Variants in MKNK1 observed in about 807,000 individuals in gnomAD.
The protein encoded by MKNK1 is MAPK interacting serine/threonine kinase 1, also known as MAP kinase-interacting serine/threonine-protein kinase 1.
Under a neutral mutation model 49.3 loss-of-function variants are expected in MKNK1, and 30 were observed. The ratio of observed to expected loss-of-function variants is 0.61; its 90% CI spans 0.46 to 0.83. The LOEUF (loss-of-function observed/expected upper bound fraction) is 0.83, where lower values mean the gene tolerates loss of function less well. Among genes scored for constraint, MKNK1 ranks in the 40% least tolerant of loss-of-function variants. MKNK1 has a pLI of 0.00. For missense variants in MKNK1, 423 were observed against 524.7 expected (o/e 0.81, Z 1.89); for synonymous variants, 176 against 201.7 (o/e 0.87, Z 1.08).
chr1:46,565,418 T>C (rs988999920), intron 8 of MKNK1: 2 of 434,424 alleles, frequency 4.6e-6, no homozygotes, highest in South Asian at 2.2e-5. Flanking sequence ...GAACTCTTGC[T>C]GGCAAATGAT....
At position 46,594,224 on chromosome 1, in the gene MKNK1, T is replaced by C. The variant is rs769647917; in HGVS notation, c.-114A>G. ...CTTCCAGCTACACGAAGTGTCTCAA[T>C]GGCCTTTGTGCGTAGGTGGCAATCT... On this transcript the variant is annotated 5_prime_UTR_variant, in exon 2 of 13. Transcript: ENST00000371945. The C allele has an allele frequency of 1.8e-6, 2 of 1,135,536 alleles. No individual in the cohort carries two copies. Among genetic ancestry groups the C allele is most frequent in the South Asian group, 1.2e-5 (1 of 81,526 alleles). The allele number at this position is 1,135,536 out of a possible 1,614,324, so 70.3% of individuals were successfully genotyped here. A position where few individuals can be genotyped will look rare whatever the true frequency, so the allele number is the denominator to read the frequency against.
chr1:46,560,334 GCCC>G, intron 11 of MKNK1, 57 bp from the exon 12 acceptor site: 1 of 1,583,370 alleles, frequency 6.3e-7, no homozygotes, highest in Non-Finnish European at 8.7e-7. Context: ...TTCAAGAACT[GCCC>G]CACCCAAGCC....
At chr1:46,576,689 C>A (rs1179313117) in intron 4 of MKNK1, 35 bp from the exon 5 acceptor site, 1 of 1,585,388 alleles carries the variant, frequency 6.3e-7, no homozygotes, top group South Asian at 1.1e-5. Context: ...TGTACACCCA[C>A]CTGACTTCCA....
chr1:46,564,854 G>A (rs1466970056), intron 9 of MKNK1, among the ~76,000 whole-genome samples, 187 bp downstream of exon 9: 3 of 152,116 alleles, frequency 2.0e-5, no homozygotes, highest in Non-Finnish European at 4.4e-5. Flanking sequence ...TGTCAGTTTC[G>A]TTAGCAACTA....
chr1:46,563,250 G>C (rs192137959), intron 9 of MKNK1, among the ~76,000 whole-genome samples: 1 of 152,172 alleles, frequency 6.6e-6, no homozygotes, highest in Non-Finnish European at 1.5e-5. Flanking sequence ...GAATCCTGTC[G>C]TGCTCCCCTG....
chr1:46,566,415 A>C (rs1009756806), intron 8 of MKNK1, among the ~76,000 whole-genome samples: 1 of 152,170 alleles, frequency 6.6e-6, no homozygotes, highest in African/African-American at 2.4e-5. Flanking sequence ...TGACCACTTG[A>C]GTTGTCTCTA....
At chr1:46,594,874 C>A in intron 1 of MKNK1, 2 of 415,876 alleles carry the variant, frequency 4.8e-6, no homozygotes, top group Non-Finnish European at 9.6e-6. Flanking sequence ...ACACCTGTAG[C>A]TGCTTGGGAG....
chr1:46,597,989 G>A (rs1291594584), intron 1 of MKNK1, among the ~76,000 whole-genome samples: 1 of 152,228 alleles, frequency 6.6e-6, no homozygotes, highest in Non-Finnish European at 1.5e-5. Flanking sequence ...GCCGGGAGAA[G>A]AGAAGATGAG....
intron 7 of MKNK1, among the ~76,000 whole-genome samples, chr1:46,571,265 T>C (rs763076811): frequency 3.3e-5 from 5 of 152,220 alleles, no homozygotes; most frequent in African/African-American, 4.8e-5. Flanking sequence ...AAGTATAAGC[T>C]GGGCACAGTG....
chr1:46,594,395 A>G, intron 1 of MKNK1, 115 bp from the exon 2 acceptor site: 2 of 531,852 alleles, frequency 3.8e-6, no homozygotes, highest in Non-Finnish European at 6.8e-6. Flanking sequence ...CACTAAGTAG[A>G]TATACACGCA....
intron 1 of MKNK1, among the ~76,000 whole-genome samples, chr1:46,603,466 A>G (rs1675006947): frequency 6.6e-6 from 1 of 152,224 alleles, no homozygotes; most frequent in Non-Finnish European, 1.5e-5. Context: ...CAGGCGCCAT[A>G]CTAGGTGACT....
At chr1:46,576,528 G>T in intron 5 of MKNK1, 47 bp downstream of exon 5, 1 of 1,500,764 alleles carries the variant, frequency 6.7e-7, no homozygotes, top group Non-Finnish European at 9.3e-7. Flanking sequence ...CCTCTTCTGT[G>T]GCCAAGCGTC....
intron 3 of MKNK1, among the ~76,000 whole-genome samples, chr1:46,582,625 C>A (rs946857828): frequency 1.3e-5 from 2 of 152,222 alleles, no homozygotes; most frequent in African/African-American, 4.8e-5. Flanking sequence ...CACAAGTGTC[C>A]AATCACCCCA....
intron 4 of MKNK1, among the ~76,000 whole-genome samples, chr1:46,578,431 T>TGG (rs1671283469): frequency 6.6e-6 from 1 of 152,160 alleles, no homozygotes; most frequent in African/African-American, 2.4e-5. Flanking sequence ...GTCCAGTGTT[T>TGG]GCCTCAAAGA....
At chr1:46,593,268 G>A (rs1035993089) in intron 2 of MKNK1, among the ~76,000 whole-genome samples, 20 of 152,066 alleles carry the variant, frequency 1.3e-4, no homozygotes, top group African/African-American at 4.1e-4. Context: ...GCACAATCTC[G>A]GCTCACTGCA....
chr1:46,577,778 A>G (rs1469428957), intron 4 of MKNK1, among the ~76,000 whole-genome samples: 1 of 152,200 alleles, frequency 6.6e-6, no homozygotes, highest in African/African-American at 2.4e-5. Flanking sequence ...GTGGTTTCCA[A>G]AGGGACTGGC....
intron 2 of MKNK1, among the ~76,000 whole-genome samples, chr1:46,592,558 T>G (rs1673485307): frequency 6.6e-6 from 1 of 152,070 alleles, no homozygotes; most frequent in Non-Finnish European, 1.5e-5. Flanking sequence ...AACTGGAGGC[T>G]AGAGCAAGAG....
At chr1:46,566,703 T>C (rs556535996) in intron 8 of MKNK1, among the ~76,000 whole-genome samples, 27 of 152,344 alleles carry the variant, frequency 1.8e-4, no homozygotes, top group Admixed American at 3.3e-4. Context: ...TGGTATCTCA[T>C]TGTGGTTTTG....
chr1:46,593,494 A>G (rs1673621739), intron 2 of MKNK1: 2 of 152,252 alleles, frequency 1.3e-5, no homozygotes, highest in Admixed American at 6.5e-5. Context: ...GAGCCAGGCA[A>G]AGAGGGGCTT....
Sources: gnomAD v4.1 joint callset for allele counts (sites outside exome capture counted in the v4.1 genomes callset) on GRCh38, gnomAD v4.1.1 for gene constraint, MANE v1.5 for transcripts, NCBI Gene and HGNC (gene_info 2026-07-23, HGNC 2026-07-21) for gene names.